CEACAM8: variants seen among roughly 807,000 people sequenced by gnomAD.
CEACAM8 encodes cell adhesion molecule CEACAM8.
In CEACAM8, 31 loss-of-function variants were observed where a neutral mutation model predicts 33.4. The ratio of observed to expected loss-of-function variants is 0.93; its 90% CI spans 0.70 to 1.25. The LOEUF (loss-of-function observed/expected upper bound fraction) is 1.25. CEACAM8 is among the 50% of genes most tolerant of loss of function. CEACAM8 has a pLI of 0.00. For missense variants in CEACAM8, 388 were observed against 434.6 expected (o/e 0.89, Z 0.95); for synonymous variants, 138 against 164.5 (o/e 0.84, Z 1.23).
intron 2 of CEACAM8, among the ~76,000 whole-genome samples, chr19:42,592,130 A>G (rs906381279): frequency 2.0e-5 from 3 of 152,182 alleles, no homozygotes; most frequent in Non-Finnish European, 4.4e-5. Context: ...ATTTGAGCCA[A>G]TGGATGACCA....
chr19:42,585,337 A>G (rs1403805138), intron 4 of CEACAM8, among the ~76,000 whole-genome samples: 1 of 151,374 alleles, frequency 6.6e-6, no homozygotes, highest in African/African-American at 2.4e-5. Context: ...AAACAAACAA[A>G]AAAAAAACGA....
chr19:42,592,461 G>A (rs895229566), intron 2 of CEACAM8, among the ~76,000 whole-genome samples: 1 of 151,796 alleles, frequency 6.6e-6, no homozygotes, highest in African/African-American at 2.4e-5. Context: ...AAATTAGCTA[G>A]GGGTGGTGGC....
chr19:42,586,814 A>G (rs2042344731), intron 4 of CEACAM8, among the ~76,000 whole-genome samples: 1 of 152,220 alleles, frequency 6.6e-6, no homozygotes, highest in African/African-American at 2.4e-5. Flanking sequence ...GAAGTGGGAA[A>G]AATATTTGTA....
At chr19:42,584,789 G>T (rs1425966587) in intron 4 of CEACAM8, among the ~76,000 whole-genome samples, 1 of 152,110 alleles carries the variant, frequency 6.6e-6, no homozygotes, top group African/African-American at 2.4e-5. Flanking sequence ...CAACTTCATG[G>T]TACAGGAGAA....
Position 42,594,809 on chromosome 19 carries a change from G to GCGCCATCTGCA in CEACAM8, c.19_20insTGCAGATGGCG (p.Pro7LeufsTer78), listed in dbSNP as rs2042516966. 10 of 1,611,366 alleles carry GCGCCATCTGCA rather than the reference G, an allele frequency of 6.2e-6. No individual in the cohort carries two copies. In the East Asian group the frequency reaches 2.2e-4, roughly 36 times the overall value. ...CCAGGGGATGCGCCATCTGCAGGAA[G>GCGCCATCTGCA]GGGCTGAGATGGGCCCCATGGTCTC... is the stretch of plus-strand genomic sequence containing the variant. On this transcript the variant is annotated frameshift_variant, in exon 1 of 6. Transcript: ENST00000244336. LOFTEE classifies it high-confidence loss of function.
chr19:42,581,906 A>T lies in CEACAM8; in HGVS notation c.*41-553T>A, dbSNP rs867149125. 3.2e-5 allele frequency among the ~76,000 whole-genome samples: 3 copies of T among 93,062 alleles called. No individual in the cohort carries two copies. The South Asian group carries it at 1.3e-3, about 39-fold the overall frequency. 61.1% of individuals were successfully genotyped at this position (93,062 alleles called of 152,430 possible). On this transcript the variant is annotated intron_variant, in intron 5 of 5. Coordinates refer to ENST00000244336, the MANE Select transcript of CEACAM8 (RefSeq NM_001816.4). The stretch of plus-strand genomic sequence containing the variant: ...TCCGTCTCAAAAAAAAAAAAAAAAA[A>T]AAAAAAAAAAAAAAATATATATATA...
At chr19:42,585,670 C>G (rs2042325154) in intron 4 of CEACAM8, among the ~76,000 whole-genome samples, 1 of 152,130 alleles carries the variant, frequency 6.6e-6, no homozygotes, top group African/African-American at 2.4e-5. Flanking sequence ...AAAGCTTTCC[C>G]CCTATGATCA....
At chr19:42,587,843 A>G (rs986345205) in intron 4 of CEACAM8, among the ~76,000 whole-genome samples, 3 of 152,326 alleles carry the variant, frequency 2.0e-5, no homozygotes, top group Middle Eastern at 3.4e-3. Context: ...CATCTCTACT[A>G]AAAATACAAA....
Position 42,583,245 on chromosome 19 carries a change from A to G in CEACAM8, c.*1T>C, listed in dbSNP as rs903922837. The G allele has an allele frequency of 7.5e-6, 12 of 1,591,100 alleles. No individual in the cohort carries two copies. The highest frequency in any genetic ancestry group is 3.4e-5 in the Admixed American group (2 of 58,784). ...GAAATGCAGAAACTACACCAGAGCT[A>G]CTATATCAGAGCCACCCTGGCCAGT... On this transcript the variant is annotated 3_prime_UTR_variant, in exon 5 of 6. Transcript: ENST00000244336.
intron 4 of CEACAM8, among the ~76,000 whole-genome samples, chr19:42,584,106 T>A (rs770069663): frequency 2.6e-4 from 40 of 152,274 alleles, no homozygotes; most frequent in Non-Finnish European, 4.3e-4. Context: ...TGCACTTAGC[T>A]TTTTTTCTCT....
At chr19:42,588,091 G>A (rs986701234) in intron 4 of CEACAM8, among the ~76,000 whole-genome samples, 3 of 152,302 alleles carry the variant, frequency 2.0e-5, no homozygotes, top group South Asian at 2.1e-4. Context: ...CATGCAGCCC[G>A]TGACTTCAGA....
chr19:42,584,865 A>G (rs1600287527), intron 4 of CEACAM8, among the ~76,000 whole-genome samples: 1 of 152,340 alleles, frequency 6.6e-6, no homozygotes, highest in East Asian at 1.9e-4. Flanking sequence ...TATAAATGAA[A>G]TGGAGAATGG....
intron 2 of CEACAM8, 55 bp downstream of exon 2, chr19:42,593,486 T>A: frequency 6.5e-7 from 1 of 1,529,886 alleles, no homozygotes; most frequent in South Asian, 1.3e-5. Flanking sequence ...AACAATCCTG[T>A]GTGTGGGAAG....
chr19:42,594,688 C>T (rs879015595), intron 1 of CEACAM8, 77 bp downstream of exon 1: 2 of 1,181,026 alleles, frequency 1.7e-6, no homozygotes, highest in East Asian at 2.5e-5. Flanking sequence ...CCTCTCAGAG[C>T]CCCGTCCTCC....
chr19:42,589,392 C>T, intron 3 of CEACAM8, 65 bp downstream of exon 3: 2 of 1,609,906 alleles, frequency 1.2e-6, no homozygotes, highest in African/African-American at 1.3e-5. Flanking sequence ...GACTGAGAGG[C>T]CTGGCCTCTG....
chr19:42,589,608 ACT>A lies in CEACAM8; in HGVS notation c.550_551del (p.Leu185ProfsTer24), dbSNP rs777322348. On this transcript the variant is annotated frameshift_variant, in exon 3 of 6. Transcript: ENST00000244336. LOFTEE classifies it high-confidence loss of function. The stretch of plus-strand genomic sequence containing the variant: ...GCTGCAGCCTGGGACTGACCGGGAG[ACT>A]CTGACCATTTACCCACCACAGGTAG... ...TTYLWWVNGQ[S>X]LPVSPRLQLS... 9 of 1,613,960 alleles carry A rather than the reference ACT, an allele frequency of 5.6e-6. No homozygotes were observed. Among genetic ancestry groups the A allele is most frequent in the Middle Eastern group, 1.6e-4 (1 of 6,062 alleles).
rs141092529 is a variant in CEACAM8, at chr19:42,586,674, C to T, written c.958+2110G>A. On this transcript the variant is annotated intron_variant, in intron 4 of 5. Coordinates refer to ENST00000244336, the MANE Select transcript of CEACAM8 (RefSeq NM_001816.4). ...AAAAAAACTCCATGACATTGGATTT[C>T]ACAGTGGTTTCTTGGTTATAACAAC... Among the ~76,000 whole-genome samples the T allele has an allele frequency of 3.8e-4, 58 of 152,266 alleles. No individual in the cohort carries two copies. The East Asian group carries it at 7.7e-3, about 20-fold the overall frequency.
chr19:42,586,039 G>C (rs1366497105), intron 4 of CEACAM8, among the ~76,000 whole-genome samples: 2 of 152,064 alleles, frequency 1.3e-5, no homozygotes, highest in Non-Finnish European at 2.9e-5. Flanking sequence ...AACCAAGGAG[G>C]TGAAAGGATT....
chr19:42,583,158 T>C lies in CEACAM8; in HGVS notation c.*40+48A>G, dbSNP rs896867220. ...GGGATACAGGTCTCTCTCCCAAGCA[T>C]GGCGGTCAGCCCTGCAGGAAACAGG... On this transcript the variant is annotated intron_variant, in intron 5 of 5. Transcript: ENST00000244336. The C allele has an allele frequency of 4.9e-6, 4 of 812,650 alleles. No homozygotes were observed. In the Admixed American group the frequency reaches 6.7e-5, roughly 14 times the overall value. 50.3% of individuals were successfully genotyped at this position (812,650 alleles called of 1,614,324 possible).
Sources: allele counts gnomAD v4.1 joint callset (sites outside exome capture counted in the v4.1 genomes callset), GRCh38; gene constraint gnomAD v4.1.1; transcripts MANE v1.5; gene names NCBI Gene and HGNC (gene_info 2026-07-23, HGNC 2026-07-21).